Variants in MAP1B observed in about 807,000 individuals in gnomAD.
MAP1B encodes microtubule associated protein 1B.
Under a neutral mutation model 176.1 loss-of-function variants are expected in MAP1B, and 12 were observed. The ratio of observed to expected loss-of-function variants is 0.07; its 90% CI spans 0.04 to 0.11. The LOEUF is 0.11. Among genes scored for constraint, MAP1B ranks in the 10% least tolerant of loss-of-function variants. MAP1B has a pLI of 1.00. For synonymous variants in MAP1B, 1,044 were observed against 1,135.0 expected (o/e 0.92, Z 1.61); for missense variants, 2,523 against 2,990.5 (o/e 0.84, Z 3.65).
At chr5:72,161,944 G>A (rs1302481044) in intron 2 of MAP1B, among the ~76,000 whole-genome samples, 2 of 92,316 alleles carry the variant, frequency 2.2e-5, no homozygotes, top group African/African-American at 4.7e-5. Flanking sequence ...GTGACAAAGC[G>A]AAATTCCGTC....
intron 4 of MAP1B, among the ~76,000 whole-genome samples, chr5:72,190,239 G>A (rs1746998065): frequency 6.6e-6 from 1 of 152,168 alleles, no homozygotes; most frequent in African/African-American, 2.4e-5. Context: ...AAGAGATGCA[G>A]GCTTTGAGGG....
At chr5:72,177,463 T>G (rs1450348053) in intron 2 of MAP1B, among the ~76,000 whole-genome samples, 1 of 152,180 alleles carries the variant, frequency 6.6e-6, no homozygotes, top group East Asian at 1.9e-4. Context: ...AAAGGAAGTT[T>G]TGGGGATTCC....
chr5:72,119,295 C>T (rs966154160), intron 2 of MAP1B, among the ~76,000 whole-genome samples: 2 of 152,218 alleles, frequency 1.3e-5, no homozygotes, highest in Admixed American at 1.3e-4. Context: ...GCCTAAAGAT[C>T]ACTCAACAAA....
chr5:72,198,378 G>C lies in MAP1B; in HGVS notation c.5023G>C (p.Gly1675Arg). Residue 1675 changes from glycine (G) to arginine (R), a missense_variant, in exon 5 of 7, where the codon GGC becomes CGC. Coordinates refer to ENST00000296755, the MANE Select transcript of MAP1B (RefSeq NM_005909.5). ...QSPDHPTVGA[G>R]VLHITENGPT... is the part of the protein sequence containing the mutation. The stretch of plus-strand genomic sequence containing the variant: ...TCCAGATCACCCTACAGTGGGTGCA[G>C]GCGTGCTTCACATCACTGAAAATGG... 6.2e-7 allele frequency: 1 copy of C among 1,614,104 alleles called. No homozygotes were observed. The highest frequency in any genetic ancestry group is 8.5e-7 in the Non-Finnish European group (1 of 1,179,992).
In MAP1B at chr5:72,174,306, A is replaced by G. The variant is rs116637953; in HGVS notation, c.287-9437A>G. Among the ~76,000 whole-genome samples the G allele has an allele frequency of 5.6e-3, 849 of 152,342 alleles. 5 individuals are homozygous for G. The highest frequency in any genetic ancestry group is 0.02 in the African/African-American group (820 of 41,578). On this transcript the variant is annotated intron_variant, in intron 2 of 6. Transcript: ENST00000296755. Reference sequence around the variant, plus strand: ...GACCTTTGTGATATGCAAATGAGGTAATATGAAAATAAAAAATTGTATAAA... The same window carrying G: ...GACCTTTGTGATATGCAAATGAGGTGATATGAAAATAAAAAATTGTATAAA...
At chr5:72,169,435 T>C (rs761883101) in intron 2 of MAP1B, 1 of 152,486 alleles carries the variant, frequency 6.6e-6, no homozygotes, top group African/African-American at 2.4e-5. Flanking sequence ...AATCACACTT[T>C]GATTGTTTAC....
In MAP1B at chr5:72,199,049, C is replaced by T. The variant is rs199785690; in HGVS notation, c.5694C>T (p.Thr1898=). Residue 1898 remains threonine (T), a synonymous_variant, in exon 5 of 7, where the codon ACC becomes ACT. Coordinates refer to ENST00000296755, the MANE Select transcript of MAP1B (RefSeq NM_005909.5). The surrounding 1 kb of genome is among the most constrained non-coding windows in gnomAD (Gnocchi z 4.2). ...AGTCTTATGAGAAGACCACCCGGAC[C>T]TCAGATGTGGGTGGCTATTACTATG... ...DYESYEKTTR[T]SDVGGYYYEK... 4.8e-5 allele frequency: 78 copies of T among 1,614,026 alleles called. No individual in the cohort carries two copies. Among genetic ancestry groups the T allele is most frequent in the Non-Finnish European group, 5.8e-5 (68 of 1,180,034 alleles).
At position 72,200,376 on chromosome 5, in the gene MAP1B, A is replaced by G; in HGVS notation, c.7012+9A>G. 6.2e-7 allele frequency: 1 copy of G among 1,611,578 alleles called. No homozygotes were observed. The highest frequency in any genetic ancestry group is 8.5e-7 in the Non-Finnish European group (1 of 1,179,042). On this transcript the variant is annotated intron_variant, in intron 5 of 6. Transcript: ENST00000296755. ...CAAGACCGCCACTGCAGGTAGGTTG[A>G]GAAGGCTGGGCATTGGATATATGTC... is the stretch of plus-strand genomic sequence containing the variant.
chr5:72,126,759 A>G (rs1745640215), intron 2 of MAP1B, among the ~76,000 whole-genome samples: 1 of 152,258 alleles, frequency 6.6e-6, no homozygotes, highest in African/African-American at 2.4e-5. Flanking sequence ...TGTCCCATCC[A>G]TGAGTATTCT....
chr5:72,152,663 T>C (rs938442336), intron 2 of MAP1B, among the ~76,000 whole-genome samples: 19 of 152,168 alleles, frequency 1.2e-4, no homozygotes, highest in African/African-American at 4.3e-4. Flanking sequence ...GCCAGGATAG[T>C]CTTGAACTCC....
chr5:72,181,515 C>G (rs1290030005), intron 2 of MAP1B, among the ~76,000 whole-genome samples: 1 of 152,068 alleles, frequency 6.6e-6, no homozygotes, highest in Non-Finnish European at 1.5e-5. Context: ...AACTTGGTTT[C>G]ATTAATTACA....
chr5:72,182,015 CA>C (rs1376412251), intron 2 of MAP1B, among the ~76,000 whole-genome samples: 6 of 145,498 alleles, frequency 4.1e-5, no homozygotes, highest in African/African-American at 1.5e-4. Context: ...TGAGCCACCG[CA>C]CCTGGCCTTT....
intron 2 of MAP1B, among the ~76,000 whole-genome samples, chr5:72,138,213 C>T (rs1466520482): frequency 1.3e-5 from 2 of 152,128 alleles, no homozygotes; most frequent in Non-Finnish European, 2.9e-5. Flanking sequence ...AATTTACATA[C>T]ACACAGAAGG....
At chr5:72,160,144 A>G (rs775521367) in intron 2 of MAP1B, among the ~76,000 whole-genome samples, 2 of 151,658 alleles carry the variant, frequency 1.3e-5, no homozygotes, top group African/African-American at 2.4e-5. Flanking sequence ...GGGAATCAGA[A>G]GGTAGGAGGG....
chr5:72,191,993 A>G (rs1162312641), intron 4 of MAP1B, among the ~76,000 whole-genome samples: 1 of 152,114 alleles, frequency 6.6e-6, no homozygotes, highest in African/African-American at 2.4e-5. Flanking sequence ...AATGCCCCCT[A>G]CTCACAGCTG....
intron 2 of MAP1B, among the ~76,000 whole-genome samples, chr5:72,135,859 C>G (rs1278642740): frequency 1.3e-5 from 2 of 152,156 alleles, no homozygotes; most frequent in East Asian, 3.9e-4. Flanking sequence ...CTTTTCATGT[C>G]CAATTACCTA....
rs748366576 is a variant in MAP1B at position 72,205,133 on chromosome 5, A to G, written c.7301A>G (p.Gln2434Arg). 6.2e-7 allele frequency: 1 copy of G among 1,613,972 alleles called. No homozygotes were observed. Among genetic ancestry groups the G allele is most frequent in the Admixed American group, 1.7e-5 (1 of 60,014 alleles). ...TCAGAAGTGATGAGGGAATGGTACC[A>G]GGAGACCCATGAGAAACAGCAAGAT... ...HDSEVMREWY[Q>R]ETHEKQQDLN... is the part of the protein sequence containing the mutation. The change falls in exon 7 of 7, where the codon CAG (glutamine) becomes CGG (arginine). Residue 2434 changes from glutamine to arginine, a missense_variant. Gln to Arg is a conservative substitution (Grantham distance 43). This residue lies in a region of MAP1B where 287 missense variants were observed against 401.5 expected (regional missense o/e 0.71). Coordinates refer to ENST00000296755, the MANE Select transcript of MAP1B (RefSeq NM_005909.5).
Position 72,196,614 on chromosome 5 carries a change from G to T in MAP1B, c.3259G>T (p.Asp1087Tyr). Residue 1087 changes from aspartate (D) to tyrosine (Y), a missense_variant, in exon 5 of 7, where the codon GAT (aspartate) becomes TAT (tyrosine). Around this residue, in one of 4 missense-constraint regions of MAP1B, gnomAD observed 1,925 missense variants for 2,126.0 expected, o/e 0.91. Coordinates refer to ENST00000296755, the MANE Select transcript of MAP1B (RefSeq NM_005909.5). This position sits in a 1 kb window ranked among gnomAD's most constrained non-coding sequence, Gnocchi z 5.3. ...PGREPASSIH[D>Y]ETLPGGSESE... ...CCGAGAACCTGCATCTTCAATTCAT[G>T]ATGAGACTTTACCTGGAGGCTCAGA... is the stretch of plus-strand genomic sequence containing the variant. 1 of 1,613,978 alleles carries T rather than the reference G, an allele frequency of 6.2e-7. No individual in the cohort carries two copies. The highest frequency in any genetic ancestry group is 8.5e-7 in the Non-Finnish European group (1 of 1,180,028).
At chr5:72,152,176 G>C (rs79108411) in intron 2 of MAP1B, among the ~76,000 whole-genome samples, 2,454 of 152,266 alleles carry the variant, frequency 0.016, 36 homozygotes, top group East Asian at 0.044. Context: ...CAGCATTCTA[G>C]CAGGGTGTGT....
Sources: allele counts gnomAD v4.1 joint callset (sites outside exome capture counted in the v4.1 genomes callset), GRCh38; gene constraint gnomAD v4.1.1; regional missense constraint gnomAD v4.1.1; non-coding constraint Gnocchi (gnomAD v3.1); transcripts MANE v1.5; gene names NCBI Gene and HGNC (gene_info 2026-07-23, HGNC 2026-07-21).